The following ENTPD7 variants were observed in gnomAD, a reference collection of about 807,000 sequenced individuals.
ENTPD7 encodes the protein NTPDase 7.
In ENTPD7, 53 loss-of-function variants were observed where a neutral mutation model predicts 77.9. That is an observed-to-expected ratio of 0.68 (90% CI 0.55 to 0.85). ENTPD7 has a LOEUF of 0.85. ENTPD7 is among the 40% of genes least tolerant of loss of function. The pLI, the probability that ENTPD7 is intolerant of heterozygous loss-of-function variation, is 0.00. For missense variants in ENTPD7, 636 were observed against 743.7 expected, an observed-to-expected ratio of 0.86 and a Z score of 1.68; for synonymous variants, 248 against 274.9, an observed-to-expected ratio of 0.90 and a Z score of 0.97.
chr10:99,696,014 C>A lies in ENTPD7; in HGVS notation c.902C>A (p.Thr301Asn), dbSNP rs764094290. Reference sequence around the variant, plus strand: ...AACCTGGGCTGTGATGTGCAACACACTGAACACGTGTACAGGGTTTATGTC... The same window carrying A: ...AACCTGGGCTGTGATGTGCAACACAATGAACACGTGTACAGGGTTTATGTC... ...EFNLGCDVQHTEHVYRVYVTT... is the reference protein window; with the variant it reads ...EFNLGCDVQHNEHVYRVYVTT... Residue 301 changes from threonine to asparagine, a missense_variant, in exon 9 of 13, where the codon ACT (threonine) becomes AAT (asparagine). Thr to Asn is a moderately conservative substitution (Grantham distance 65, BLOSUM62 0). Coordinates refer to ENST00000370489, the MANE Select transcript of ENTPD7 (RefSeq NM_020354.5). 2 of 1,614,182 alleles carry A rather than the reference C, an allele frequency of 1.2e-6. No individual in the cohort carries two copies. The highest frequency in any genetic ancestry group is 2.2e-5 in the South Asian group (2 of 91,084).
chr10:99,706,619 G>A lies in ENTPD7; in HGVS notation c.*1936G>A, dbSNP rs568194993. 1.3e-5 allele frequency among the ~76,000 whole-genome samples: 2 copies of A among 152,102 alleles called. No individual in the cohort carries two copies. Among genetic ancestry groups the A allele is most frequent in the South Asian group, 4.1e-4 (2 of 4,822 alleles). On this transcript the variant is annotated 3_prime_UTR_variant, in exon 13 of 13. Transcript: ENST00000370489. The stretch of plus-strand genomic sequence containing the variant: ...CAAAGTGCTGGGATTACAAGCATGA[G>A]CTACTGCACCTGCCCTCTGTTTCCT...
intron 2 of ENTPD7, chr10:99,660,403 T>TA (rs78669049): frequency 1.8e-6 from 2 of 1,134,538 alleles, no homozygotes; most frequent in Non-Finnish European, 2.3e-6. Flanking sequence ...CTGAAGCTTT[T>TA]AAAAAATATT....
At position 99,679,257 on chromosome 10, in the gene ENTPD7, T is replaced by C. The variant is rs17112100; in HGVS notation, c.192-4T>C. 4.4e-5 allele frequency: 71 copies of C among 1,613,980 alleles called. 1 individual carries two copies. In the East Asian group the frequency reaches 7.1e-4, roughly 16 times the overall value. ...GCACTGATTTCTCTTTTTGCCTGAC[T>C]TAGGTATTTGGCTCGAGTAGGGGAG... On this transcript the variant is annotated splice_polypyrimidine_tract_variant and splice_region_variant and intron_variant, in intron 3 of 12. Coordinates refer to ENST00000370489, the MANE Select transcript of ENTPD7 (RefSeq NM_020354.5).
chr10:99,688,473 A>C (rs1301706251), intron 6 of ENTPD7, among the ~76,000 whole-genome samples: 1 of 152,208 alleles, frequency 6.6e-6, no homozygotes, highest in Non-Finnish European at 1.5e-5. Context: ...TTTGTTATAC[A>C]ATTAATTTCT....
chr10:99,699,477 C>A (rs979379241), intron 10 of ENTPD7, among the ~76,000 whole-genome samples: 2 of 152,178 alleles, frequency 1.3e-5, no homozygotes, highest in Non-Finnish European at 2.9e-5. Flanking sequence ...AGCTTTCTAT[C>A]ATTTTCTGCT....
chr10:99,684,676 A>T (rs1335924850), intron 5 of ENTPD7, among the ~76,000 whole-genome samples: 4 of 152,216 alleles, frequency 2.6e-5, no homozygotes, highest in African/African-American at 9.6e-5. Flanking sequence ...TTTGTATTGA[A>T]TATTTTTTAA....
In ENTPD7 at chr10:99,704,865, ATAATT is replaced by A; in HGVS notation, c.*187_*191del. On this transcript the variant is annotated 3_prime_UTR_variant, in exon 13 of 13. Transcript: ENST00000370489. ...ACCCAGGTCTTCTCTGAGAGAAGCT[ATAATT>A]TAATCTGTGAGGAACTAAATGACAG... 1 of 627,724 alleles carries A rather than the reference ATAATT, an allele frequency of 1.6e-6. No homozygotes were observed. Among genetic ancestry groups the A allele is most frequent in the Non-Finnish European group, 2.8e-6 (1 of 363,300 alleles). The allele number at this position is 627,724 out of a possible 1,614,324, so 38.9% of individuals were successfully genotyped here.
rs1317011908 is a variant in ENTPD7 at position 99,679,794 on chromosome 10, C to T, written c.467C>T (p.Ala156Val). The T allele has an allele frequency of 2.5e-6, 4 of 1,614,110 alleles. No individual in the cohort carries two copies. The highest frequency in any genetic ancestry group is 3.4e-6 in the Non-Finnish European group (4 of 1,180,052). Residue 156 changes from alanine (A) to valine (V), a missense_variant, in exon 5 of 13, where the codon GCT becomes GTT. By Grantham distance (64) the Ala-to-Val change is moderately conservative (BLOSUM62 0). Transcript: ENST00000370489. Reference protein sequence around the residue: ...DYLRPLLSFAAAHVPVKKHKE... With the variant: ...DYLRPLLSFAVAHVPVKKHKE... ...CTTCGTCCTCTGCTGAGCTTTGCTGCTGCTCATGTGCCTGTGAAGAAGCAC... is the reference window on the plus strand; with the variant it reads ...CTTCGTCCTCTGCTGAGCTTTGCTGTTGCTCATGTGCCTGTGAAGAAGCAC...
chr10:99,710,056 C>T lies in ENTPD7; in HGVS notation c.*5373C>T. ...GCTATGTATAGCCACACATGCATGA[C>T]TTCAGGCTAGCATAAAGACATGTCT... On this transcript the variant is annotated 3_prime_UTR_variant, in exon 13 of 13. Coordinates refer to ENST00000370489, the MANE Select transcript of ENTPD7 (RefSeq NM_020354.5). 1 of 985,394 alleles carries T rather than the reference C, an allele frequency of 1.0e-6. No individual in the cohort carries two copies. The highest frequency in any genetic ancestry group is 1.2e-6 in the Non-Finnish European group (1 of 829,924). The allele number at this position is 985,394 out of a possible 1,614,324, so 61.0% of individuals were successfully genotyped here.
At chr10:99,667,383 C>T (rs991238076) in intron 3 of ENTPD7, among the ~76,000 whole-genome samples, 6 of 152,060 alleles carry the variant, frequency 3.9e-5, no homozygotes, top group Non-Finnish European at 1.5e-5. Flanking sequence ...TCAAGGAGTT[C>T]GTAATCTAGT....
intron 3 of ENTPD7, among the ~76,000 whole-genome samples, chr10:99,672,603 C>T (rs1376355523): frequency 3.9e-5 from 6 of 152,180 alleles, no homozygotes; most frequent in African/African-American, 1.4e-4. Context: ...CCACACCCAG[C>T]CCATTTATTT....
chr10:99,693,237 G>A (rs969926521), intron 8 of ENTPD7, among the ~76,000 whole-genome samples: 2 of 152,156 alleles, frequency 1.3e-5, no homozygotes, highest in South Asian at 2.1e-4. Context: ...GGATGAGAGC[G>A]TCTATCTGGT....
chr10:99,659,745 T>C lies in ENTPD7; in HGVS notation c.-95-117T>C. 1 of 594,600 alleles carries C rather than the reference T, an allele frequency of 1.7e-6. No homozygotes were observed. The highest frequency in any genetic ancestry group is 2.2e-5 in the South Asian group (1 of 46,028). 36.8% of individuals were successfully genotyped at this position (594,600 alleles called of 1,614,324 possible). A position where few individuals can be genotyped will look rare whatever the true frequency, so the allele number is the denominator to read the frequency against. ...ATGCCCGGGTAGGGTCCCCTGGGCC[T>C]GAGGAACCAGAGCAGACGGAGCGGG... is the stretch of plus-strand genomic sequence containing the variant. On this transcript the variant is annotated intron_variant, in intron 1 of 12. Transcript: ENST00000370489. This position sits in a 1 kb window ranked among gnomAD's most constrained non-coding sequence, Gnocchi z 4.1.
intron 10 of ENTPD7, among the ~76,000 whole-genome samples, chr10:99,700,692 A>G (rs1378503355): frequency 6.6e-6 from 1 of 152,204 alleles, no homozygotes; most frequent in African/African-American, 2.4e-5. Context: ...GAATGAAACT[A>G]TCTTTGTCTT....
chr10:99,677,800 TGTATG>T (rs2035704034), intron 3 of ENTPD7, among the ~76,000 whole-genome samples: 1 of 152,256 alleles, frequency 6.6e-6, no homozygotes, highest in Non-Finnish European at 1.5e-5. Context: ...TTCTGCTATG[TGTATG>T]ATCTCTGTGA....
chr10:99,707,660 C>T lies in ENTPD7; in HGVS notation c.*2977C>T, dbSNP rs2036278732. 1.3e-5 allele frequency among the ~76,000 whole-genome samples: 2 copies of T among 152,196 alleles called. No homozygotes were observed. On this transcript the variant is annotated 3_prime_UTR_variant, in exon 13 of 13. Transcript: ENST00000370489. Reference sequence around the variant, plus strand: ...AACTGTTTTAGGACTCTTGTTATTACTGAGACAGGTCACAAACATCAAAAT... The same window carrying T: ...AACTGTTTTAGGACTCTTGTTATTATTGAGACAGGTCACAAACATCAAAAT...
At chr10:99,660,546 ACACAC>A (rs2035468609) in intron 2 of ENTPD7, 1 of 351,702 alleles carries the variant, frequency 2.8e-6, no homozygotes, top group Admixed American at 3.8e-5. Context: ...ACACACACAC[ACACAC>A]ACACACACAC....
chr10:99,701,060 T>C lies in ENTPD7; in HGVS notation c.1421+2T>C. 1 of 1,612,860 alleles carries C rather than the reference T, an allele frequency of 6.2e-7. No individual in the cohort carries two copies. Among genetic ancestry groups the C allele is most frequent in the Non-Finnish European group, 8.5e-7 (1 of 1,178,854 alleles). On this transcript the variant is annotated splice_donor_variant, in intron 11 of 12. Transcript: ENST00000370489. LOFTEE classifies it high-confidence loss of function. ...ACATGCAGATGAGCATCGACTCAAGTAAGTTACTTCCCTTTCCTCCTTAGA... is the reference window on the plus strand; with the variant it reads ...ACATGCAGATGAGCATCGACTCAAGCAAGTTACTTCCCTTTCCTCCTTAGA...
chr10:99,700,157 A>G (rs2036082873), intron 10 of ENTPD7, among the ~76,000 whole-genome samples: 2 of 152,118 alleles, frequency 1.3e-5, no homozygotes, highest in South Asian at 4.2e-4. Context: ...CTTATCTCAA[A>G]ACTTCTTCAA....
Sources: gnomAD v4.1 joint callset for allele counts (sites outside exome capture counted in the v4.1 genomes callset) on GRCh38, gnomAD v4.1.1 for gene constraint, Gnocchi (gnomAD v3.1) non-coding constraint, MANE v1.5 for transcripts, NCBI Gene and HGNC (gene_info 2026-07-23, HGNC 2026-07-21) for gene names.